The following MARCHF11 variants were observed in gnomAD, a reference collection of about 807,000 sequenced individuals.
MARCHF11 encodes the protein E3 ubiquitin-protein ligase MARCHF11.
Under a neutral mutation model 37.3 loss-of-function variants are expected in MARCHF11, and 29 were observed. The observed-to-expected ratio is 0.78, with a 90% confidence interval of 0.58 to 1.06. MARCHF11 has a LOEUF of 1.06. Among genes scored for constraint, MARCHF11 ranks in the 50% least tolerant of loss-of-function variants. The pLI, the probability that MARCHF11 is intolerant of heterozygous loss-of-function variation, is 0.00. For synonymous variants in MARCHF11, 233 were observed against 228.0 expected (o/e 1.02, Z -0.20); for missense variants, 482 against 533.4 (o/e 0.90, Z 0.95).
intron 2 of MARCHF11, among the ~76,000 whole-genome samples, chr5:16,128,049 G>A (rs1188695877): frequency 2.0e-5 from 3 of 152,174 alleles, no homozygotes; most frequent in African/African-American, 7.2e-5. Context: ...TGCTAGTGCA[G>A]TCCCTGAGTG....
At chr5:16,163,670 A>G (rs1005369673) in intron 2 of MARCHF11, among the ~76,000 whole-genome samples, 1 of 152,122 alleles carries the variant, frequency 6.6e-6, no homozygotes, top group Admixed American at 6.6e-5. Context: ...AGCTATATTA[A>G]CATCAGAAAG....
At chr5:16,155,943 G>A (rs142922544) in intron 2 of MARCHF11, among the ~76,000 whole-genome samples, 20 of 151,988 alleles carry the variant, frequency 1.3e-4, no homozygotes, top group African/African-American at 4.3e-4. Context: ...GAGCATACTC[G>A]TAACTTCCTA....
intron 2 of MARCHF11, among the ~76,000 whole-genome samples, chr5:16,136,589 G>C (rs1006358978): frequency 6.6e-6 from 1 of 152,164 alleles, no homozygotes; most frequent in Non-Finnish European, 1.5e-5. Flanking sequence ...TTATAGAATA[G>C]AAATGGGCTA....
chr5:16,158,755 T>A (rs1027154917), intron 2 of MARCHF11, among the ~76,000 whole-genome samples: 3 of 151,986 alleles, frequency 2.0e-5, no homozygotes, highest in African/African-American at 7.2e-5. Flanking sequence ...TGCAGGTTTG[T>A]TACATAGGTA....
intron 2 of MARCHF11, among the ~76,000 whole-genome samples, chr5:16,127,689 T>G (rs1737434559): frequency 6.6e-6 from 1 of 152,188 alleles, no homozygotes; most frequent in Admixed American, 6.5e-5. Context: ...CTTTGAAGAT[T>G]TCTACTCCAA....
chr5:16,155,744 A>C (rs1044928200), intron 2 of MARCHF11, among the ~76,000 whole-genome samples: 4 of 151,958 alleles, frequency 2.6e-5, no homozygotes, highest in African/African-American at 4.8e-5. Context: ...AGGCATTCCT[A>C]CTAAGCACTT....
intron 2 of MARCHF11, among the ~76,000 whole-genome samples, chr5:16,093,245 C>T (rs1405095582): frequency 6.6e-6 from 1 of 151,962 alleles, no homozygotes; most frequent in African/African-American, 2.4e-5. Flanking sequence ...CAAGGATTCA[C>T]CAAGAAGAGA....
At chr5:16,111,316 T>C (rs1303066879) in intron 2 of MARCHF11, among the ~76,000 whole-genome samples, 1 of 152,160 alleles carries the variant, frequency 6.6e-6, no homozygotes, top group African/African-American at 2.4e-5. Context: ...TGAATGGCTT[T>C]GACTAAAATG....
intron 2 of MARCHF11, among the ~76,000 whole-genome samples, chr5:16,095,044 T>C (rs1736842979): frequency 1.3e-5 from 2 of 152,212 alleles, no homozygotes; most frequent in Non-Finnish European, 2.9e-5. Context: ...AACCCAGGTA[T>C]TCTGGCTTCC....
chr5:16,149,966 C>T (rs1440154486), intron 2 of MARCHF11, among the ~76,000 whole-genome samples: 1 of 137,092 alleles, frequency 7.3e-6, no homozygotes, highest in Non-Finnish European at 1.5e-5. Context: ...TCCATTTATA[C>T]AAAGTCCATA....
At position 16,179,484 on chromosome 5, in the gene MARCHF11, G is replaced by T; in HGVS notation, c.92C>A (p.Pro31Gln). The T allele has an allele frequency of 8.7e-7, 1 of 1,147,960 alleles. No homozygotes were observed. Among genetic ancestry groups the T allele is most frequent in the Non-Finnish European group, 1.1e-6 (1 of 935,050 alleles). The allele number at this position is 1,147,960 out of a possible 1,614,324, so 71.1% of individuals were successfully genotyped here. A position where few individuals can be genotyped will look rare whatever the true frequency, so the allele number is the denominator to read the frequency against. The change falls in exon 1 of 4, where the codon CCG (proline) becomes CAG (glutamine). Residue 31 changes from proline (P) to glutamine (Q), a missense_variant. By Grantham distance (76) the Pro-to-Gln change is moderately conservative (BLOSUM62 -1). Transcript: ENST00000332432. ...CGGCTCTCCCGGCGGCGGCGTCGGC[G>T]GCGGCGGCGGGGGAGGTTGCGGGGG... ...EPPPQPPPPP[P>Q]PTPPPGEPAP...
At chr5:16,085,956 A>AT (rs1330093788) in intron 3 of MARCHF11, among the ~76,000 whole-genome samples, 13 of 139,952 alleles carry the variant, frequency 9.3e-5, no homozygotes, top group Admixed American at 4.1e-4. Context: ...AAAAAAAAAA[A>AT]AAAAAAAAAA....
chr5:16,167,704 A>G lies in MARCHF11; in HGVS notation c.693+10022T>C, dbSNP rs370969448. Among the ~76,000 whole-genome samples, 5 of 152,198 alleles carry G rather than the reference A, an allele frequency of 3.3e-5. 1 individual carries two copies. The highest frequency in any genetic ancestry group is 1.9e-4 in the East Asian group (1 of 5,156). ...TATTTCCATTAGCATCATTAACGCA[A>G]TCTATAATTAACTACTTTTTGTATT... On this transcript the variant is annotated intron_variant, in intron 2 of 3. Coordinates refer to ENST00000332432, the MANE Select transcript of MARCHF11 (RefSeq NM_001102562.3).
intron 2 of MARCHF11, among the ~76,000 whole-genome samples, chr5:16,155,399 A>T (rs1245315891): frequency 6.6e-6 from 1 of 151,782 alleles, no homozygotes; most frequent in Non-Finnish European, 1.5e-5. Flanking sequence ...TTCCATTTTT[A>T]CCCTATTGGT....
intron 2 of MARCHF11, among the ~76,000 whole-genome samples, chr5:16,099,364 GA>G (rs1736919295): frequency 6.6e-6 from 1 of 152,066 alleles, no homozygotes; most frequent in African/African-American, 2.4e-5. Flanking sequence ...AAGAGAGGGA[GA>G]AAAAGGGTTC....
chr5:16,131,752 G>A (rs372942060), intron 2 of MARCHF11, among the ~76,000 whole-genome samples: 4 of 152,164 alleles, frequency 2.6e-5, no homozygotes, highest in African/African-American at 7.2e-5. Context: ...ATTTCATGAT[G>A]GACAGCTTAA....
At chr5:16,085,396 T>A (rs1348113935) in intron 3 of MARCHF11, among the ~76,000 whole-genome samples, 1 of 152,196 alleles carries the variant, frequency 6.6e-6, no homozygotes, top group Non-Finnish European at 1.5e-5. Flanking sequence ...GCATGACCTA[T>A]GTGAGCCATT....
chr5:16,099,883 G>C (rs548705813), intron 2 of MARCHF11, among the ~76,000 whole-genome samples: 8 of 152,306 alleles, frequency 5.3e-5, no homozygotes, highest in Non-Finnish European at 1.0e-4. Flanking sequence ...CAGAAAAGCA[G>C]AGAGGTGGGT....
At chr5:16,091,119 G>T in intron 2 of MARCHF11, 38 bp from the exon 3 acceptor site, 5 of 1,330,192 alleles carry the variant, frequency 3.8e-6, no homozygotes, top group South Asian at 1.5e-5. Flanking sequence ...AAGGAGCTGT[G>T]TATAATTAAA....
Sources: allele counts gnomAD v4.1 joint callset (sites outside exome capture counted in the v4.1 genomes callset), GRCh38; gene constraint gnomAD v4.1.1; transcripts MANE v1.5; gene names NCBI Gene and HGNC (gene_info 2026-07-23, HGNC 2026-07-21).